LMO7: variants seen among roughly 807,000 people sequenced by gnomAD.
The protein encoded by LMO7 is LIM domain 7.
In LMO7, 120 loss-of-function variants were observed where a neutral mutation model predicts 206.5. The observed-to-expected ratio is 0.58, with a 90% CI of 0.50 to 0.68. LMO7 has a LOEUF of 0.68. Among genes scored for constraint, LMO7 ranks in the 30% least tolerant of loss-of-function variants. The probability of loss-of-function intolerance (pLI) is 0.00; values close to 1 mark genes in which losing one functional copy is unlikely to be tolerated. For synonymous variants in LMO7, 706 were observed against 681.5 expected, an observed-to-expected ratio of 1.04 and a Z score of -0.56; for missense variants, 1,959 against 1,957.9, an observed-to-expected ratio of 1.00 and a Z score of -0.01.
chr13:75,788,975 T>G (rs1378234523), intron 4 of LMO7: 1 of 151,998 alleles, frequency 6.6e-6, no homozygotes, highest in Non-Finnish European at 1.5e-5. Flanking sequence ...ATACTTATTC[T>G]GGTAGCAGGG....
In LMO7 at chr13:75,834,296, A is replaced by G. The variant is rs55809538; in HGVS notation, c.3135A>G (p.Ser1045=). ...TTGCTATTAACAACACCAAGTTTTC[A>G]TATAACGATTCAAAAGAGTGGGAGG... The part of the protein sequence containing the change: ...EIIAINNTKF[S]YNDSKEWEEA... The change falls in exon 17 of 31, where the codon TCA becomes TCG. Residue 1045 remains serine (S), a synonymous_variant. Coordinates refer to ENST00000377534, the MANE Select transcript of LMO7 (RefSeq NM_001306080.2). The G allele has an allele frequency of 7.4e-4, 1,200 of 1,611,738 alleles. 8 individuals carry two copies. In the African/African-American group the frequency reaches 0.015, roughly 20 times the overall value.
At chr13:75,643,555 A>G (rs953927847) in intron 1 of LMO7, among the ~76,000 whole-genome samples, 12 of 152,238 alleles carry the variant, frequency 7.9e-5, no homozygotes, top group Non-Finnish European at 1.5e-4. Context: ...CCTGTTAACT[A>G]TCAAAAATGT....
chr13:75,808,158 G>A lies in LMO7; in HGVS notation c.1875G>A (p.Glu625=). The A allele has an allele frequency of 2.5e-6, 4 of 1,613,734 alleles. No homozygotes were observed. The highest frequency in any genetic ancestry group is 3.4e-6 in the Non-Finnish European group (4 of 1,179,754). Residue 625 remains glutamate (E), a synonymous_variant, in exon 10 of 31, where the codon GAG becomes GAA. Transcript: ENST00000377534. ...ADLKRWEAIR[E]ASRLRHKKRL... is the part of the protein sequence containing the mutation. ...TGAAGAGATGGGAGGCCATCCGGGA[G>A]GCCAGCAGACTTAGGCACAAGAAAA...
At chr13:75,679,438 G>A (rs376881931) in intron 1 of LMO7, among the ~76,000 whole-genome samples, 9 of 152,286 alleles carry the variant, frequency 5.9e-5, no homozygotes, top group South Asian at 4.1e-4. Context: ...AAAAAATGGC[G>A]GAAGGGTGTT....
At position 75,739,639 on chromosome 13, in the gene LMO7, A is replaced by ACACACTT. The variant is rs1325529329; in HGVS notation, c.210+12543_210+12549dup. Among the ~76,000 whole-genome samples the ACACACTT allele has an allele frequency of 3.9e-5, 6 of 152,276 alleles. No homozygotes were observed. The East Asian group carries it at 1.2e-3, about 29-fold the overall frequency. On this transcript the variant is annotated intron_variant, in intron 3 of 30. Coordinates refer to ENST00000377534, the MANE Select transcript of LMO7 (RefSeq NM_001306080.2). Reference sequence around the variant, plus strand: ...CTGACTCTTTCATCTTTACTCTCCTACACACTTCCCCTCACTCTCCCACGG... The same window carrying ACACACTT: ...CTGACTCTTTCATCTTTACTCTCCTACACACTTCACACTTCCCCTCACTCTCCCACGG...
chr13:75,699,324 A>G (rs1408999569), intron 1 of LMO7, among the ~76,000 whole-genome samples: 2 of 152,120 alleles, frequency 1.3e-5, no homozygotes, highest in Non-Finnish European at 2.9e-5. Flanking sequence ...CACTGTGGTC[A>G]TAAGTTTTGC....
intron 1 of LMO7, among the ~76,000 whole-genome samples, chr13:75,654,315 G>A (rs900140029): frequency 4.6e-5 from 7 of 152,210 alleles, no homozygotes; most frequent in African/African-American, 1.2e-4. Flanking sequence ...GGGCTAAGGA[G>A]GAGGATAATC....
chr13:75,777,257 CGGATTTA>C (rs1294437554), intron 4 of LMO7, among the ~76,000 whole-genome samples: 1 of 152,018 alleles, frequency 6.6e-6, no homozygotes, highest in Non-Finnish European at 1.5e-5. Flanking sequence ...TATTATAGTT[CGGATTTA>C]GGAATCTGTA....
At chr13:75,760,506 A>T in intron 3 of LMO7, 1 of 1,289,042 alleles carries the variant, frequency 7.8e-7, no homozygotes, top group East Asian at 3.0e-5. Flanking sequence ...TTCCCTGCCA[A>T]CAGTTTCTGG....
intron 1 of LMO7, among the ~76,000 whole-genome samples, chr13:75,669,701 A>G (rs772503742): frequency 2.0e-4 from 30 of 152,196 alleles, no homozygotes; most frequent in Non-Finnish European, 3.8e-4. Flanking sequence ...TGTAAATTCT[A>G]GAGGCTCTGT....
At chr13:75,775,469 G>T (rs1365398178) in intron 4 of LMO7, among the ~76,000 whole-genome samples, 2 of 151,196 alleles carry the variant, frequency 1.3e-5, no homozygotes, top group African/African-American at 4.9e-5. Context: ...AGACTTAAAT[G>T]GATTAAACTA....
chr13:75,855,887 A>G (rs767456733), intron 29 of LMO7, among the ~76,000 whole-genome samples: 1 of 152,252 alleles, frequency 6.6e-6, no homozygotes, highest in Non-Finnish European at 1.5e-5. Context: ...CTCTAAAGAC[A>G]TATCTGTTTG....
At chr13:75,696,565 A>G (rs1594342354) in intron 1 of LMO7, among the ~76,000 whole-genome samples, 1 of 152,146 alleles carries the variant, frequency 6.6e-6, no homozygotes, top group Admixed American at 6.5e-5. Flanking sequence ...TTCAGAGACC[A>G]TTCTTAGTAA....
intron 1 of LMO7, among the ~76,000 whole-genome samples, chr13:75,658,128 G>A (rs1426136942): frequency 1.3e-5 from 2 of 150,990 alleles, no homozygotes; most frequent in Admixed American, 1.3e-4. Context: ...CGTCCTTGCT[G>A]CTTCCTTAAA....
In LMO7 at chr13:75,807,925, A is replaced by G. The variant is rs2055761454; in HGVS notation, c.1642A>G (p.Thr548Ala). 1.2e-6 allele frequency: 2 copies of G among 1,613,842 alleles called. No individual in the cohort carries two copies. The highest frequency in any genetic ancestry group is 1.7e-6 in the Non-Finnish European group (2 of 1,179,866). ...CCCAGTCCCTTTTCCCGAACCCTGG[A>G]CTCTTCCTCCAGAAATTCAAGCAAA... The part of the protein sequence containing the change: ...YHPVPFPEPW[T>A]LPPEIQAKFL... The change falls in exon 10 of 31, where the codon ACT (threonine) becomes GCT (alanine). Residue 548 changes from threonine to alanine, a missense_variant. Coordinates refer to ENST00000377534, the MANE Select transcript of LMO7 (RefSeq NM_001306080.2).
At chr13:75,659,580 AC>A (rs35357043) in intron 1 of LMO7, among the ~76,000 whole-genome samples, 28,357 of 151,954 alleles carry the variant, frequency 0.19, 3,442 homozygotes, top group Admixed American at 0.34. Context: ...ATCTCGTGAG[AC>A]TTATTCACTA....
At chr13:75,768,959 T>C (rs2049261877) in intron 4 of LMO7, among the ~76,000 whole-genome samples, 1 of 152,092 alleles carries the variant, frequency 6.6e-6, no homozygotes, top group South Asian at 2.1e-4. Flanking sequence ...TTTTTTACCT[T>C]AGGCATTAAA....
intron 4 of LMO7, among the ~76,000 whole-genome samples, chr13:75,775,521 G>A (rs1261773456): frequency 2.0e-5 from 3 of 151,932 alleles, no homozygotes; most frequent in Admixed American, 1.3e-4. Flanking sequence ...AAAAATAATA[G>A]AGTAAATGTA....
chr13:75,777,651 T>TTTTA (rs2050695405), intron 4 of LMO7, among the ~76,000 whole-genome samples: 1 of 149,214 alleles, frequency 6.7e-6, no homozygotes, highest in African/African-American at 2.5e-5. Flanking sequence ...TTTCTTGTTT[T>TTTTA]TTTTTTTTTT....
Sources: gnomAD v4.1 joint callset for allele counts (sites outside exome capture counted in the v4.1 genomes callset) on GRCh38, gnomAD v4.1.1 for gene constraint, MANE v1.5 for transcripts, NCBI Gene and HGNC (gene_info 2026-07-23, HGNC 2026-07-21) for gene names.